The following COG3 variants were observed in gnomAD, a reference collection of about 807,000 sequenced individuals.
COG3 encodes the protein component of oligomeric golgi complex 3.
COG3 carries 32 observed loss-of-function variants against 114.1 expected under a neutral mutation model. The ratio of observed to expected loss-of-function variants is 0.28; its 90% CI spans 0.21 to 0.38. The LOEUF is 0.38. Ranked by LOEUF, COG3 falls within the 10% of genes least tolerant of loss-of-function variation. COG3 has a pLI of 1.00. For synonymous variants in COG3, 352 were observed against 365.7 expected (o/e 0.96, Z 0.43); for missense variants, 813 against 973.2 (o/e 0.84, Z 2.19).
chr13:45,522,572 G>C (rs7985769), intron 19 of COG3, among the ~76,000 whole-genome samples: 22,190 of 151,994 alleles, frequency 0.15, 2,585 homozygotes, highest in African/African-American at 0.32. Flanking sequence ...ATCTTCACCT[G>C]TCTGGTTTCT....
intron 19 of COG3, among the ~76,000 whole-genome samples, chr13:45,521,212 A>T (rs1374959110): frequency 1.3e-5 from 2 of 152,186 alleles, no homozygotes; most frequent in Non-Finnish European, 2.9e-5. Context: ...TCCAAGTCTG[A>T]ATTATGTAAT....
rs928226538 is a variant in COG3, at chr13:45,535,299, T to C, written c.*568T>C. ...TTCCTGGGAAGTCGGGGTGTCATCCTTTCCTCTGTTTGATGTGAGGTAGTT... is the reference window on the plus strand; with the variant it reads ...TTCCTGGGAAGTCGGGGTGTCATCCCTTCCTCTGTTTGATGTGAGGTAGTT... On this transcript the variant is annotated 3_prime_UTR_variant, in exon 23 of 23. Transcript: ENST00000349995. 3.3e-5 allele frequency: 33 copies of C among 985,476 alleles called. No individual in the cohort carries two copies. Among genetic ancestry groups the C allele is most frequent in the Non-Finnish European group, 4.0e-5 (33 of 829,960 alleles). The allele number at this position is 985,476 out of a possible 1,614,324, so 61.0% of individuals were successfully genotyped here.
At chr13:45,465,310 C>G in intron 1 of COG3, 100 bp downstream of exon 1, 2 of 1,462,476 alleles carry the variant, frequency 1.4e-6, no homozygotes, top group Non-Finnish European at 1.8e-6. Context: ...CCCAGGATAT[C>G]TCTCCACTCC....
intron 14 of COG3, among the ~76,000 whole-genome samples, chr13:45,507,390 A>G (rs958248089): frequency 1.3e-5 from 2 of 152,164 alleles, no homozygotes; most frequent in African/African-American, 4.8e-5. Flanking sequence ...TATACAAGTT[A>G]AATAGGAGTG....
intron 8 of COG3, among the ~76,000 whole-genome samples, chr13:45,489,226 G>A (rs373049290): frequency 2.4e-5 from 1 of 42,292 alleles, no homozygotes; most frequent in African/African-American, 8.8e-5. Flanking sequence ...CCAGCCAGTT[G>A]AAAGGAATTT....
At chr13:45,526,566 T>A (rs1872720102) in intron 20 of COG3, among the ~76,000 whole-genome samples, 1 of 152,218 alleles carries the variant, frequency 6.6e-6, no homozygotes, top group Non-Finnish European at 1.5e-5. Flanking sequence ...CAATATAGGT[T>A]TGAGTTCATT....
chr13:45,534,845 C>T lies in COG3; in HGVS notation c.*114C>T, dbSNP rs1196974954. 10 of 1,417,134 alleles carry T rather than the reference C, an allele frequency of 7.1e-6. No homozygotes were observed. Among genetic ancestry groups the T allele is most frequent in the African/African-American group, 4.4e-5 (3 of 67,668 alleles). The allele number at this position is 1,417,134 out of a possible 1,614,324, so 87.8% of individuals were successfully genotyped here. ...TGTGGGAACGTCCCCGAGAACCACA[C>T]GAGCGTGCTGCTCAGTGCTGACTGC... is the stretch of plus-strand genomic sequence containing the variant. On this transcript the variant is annotated 3_prime_UTR_variant, in exon 23 of 23. Transcript: ENST00000349995.
rs771972555 is a variant in COG3, at chr13:45,486,340, G to GGGAGACGGGAGACGGGAGACGGGAGAC, written c.844-150_844-149insCGGGAGACGGGAGACGGGAGACGGAGA. ...AGACGGGAGACGGGAGACGGGAGAC[G>GGGAGACGGGAGACGGGAGACGGGAGAC]GGAGAGGGAGAGGGAGAGGGAGAGG... is the stretch of plus-strand genomic sequence containing the variant. On this transcript the variant is annotated intron_variant, in intron 7 of 22. Coordinates refer to ENST00000349995, the MANE Select transcript of COG3 (RefSeq NM_031431.4). Among the ~76,000 whole-genome samples, 3 of 5,128 alleles carry GGGAGACGGGAGACGGGAGACGGGAGAC rather than the reference G, an allele frequency of 5.9e-4. No individual in the cohort carries two copies. In the South Asian group the frequency reaches 0.027, roughly 47 times the overall value. 3.4% of individuals were successfully genotyped at this position (5,128 alleles called of 152,430 possible). A position where few individuals can be genotyped will look rare whatever the true frequency, so the allele number is the denominator to read the frequency against.
At chr13:45,482,924 C>T (rs1379527640) in intron 6 of COG3, among the ~76,000 whole-genome samples, 8 of 152,216 alleles carry the variant, frequency 5.3e-5, no homozygotes, top group Admixed American at 5.2e-4. Context: ...TTTATTTCCC[C>T]TAACTCCTAT....
At chr13:45,525,949 A>C (rs1400073616) in intron 20 of COG3, among the ~76,000 whole-genome samples, 1 of 151,944 alleles carries the variant, frequency 6.6e-6, no homozygotes, top group Admixed American at 6.6e-5. Context: ...TGGCATGCAC[A>C]GTCACCTAAT....
intron 22 of COG3, 137 bp downstream of exon 22, chr13:45,530,917 A>G: frequency 1.5e-6 from 2 of 1,327,276 alleles, no homozygotes; most frequent in East Asian, 2.8e-5. Context: ...ATGAGTAAGA[A>G]TTCAGCCTTT....
In COG3 at chr13:45,464,953, T is replaced by G. The variant is rs1480419990; in HGVS notation, c.-84T>G. 3 of 1,476,390 alleles carry G rather than the reference T, an allele frequency of 2.0e-6. No individual in the cohort carries two copies. Among genetic ancestry groups the G allele is most frequent in the East Asian group, 4.9e-5 (2 of 40,458 alleles). 91.5% of individuals were successfully genotyped at this position (1,476,390 alleles called of 1,614,324 possible). A position where few individuals can be genotyped will look rare whatever the true frequency, so the allele number is the denominator to read the frequency against. On this transcript the variant is annotated 5_prime_UTR_variant, in exon 1 of 23. Coordinates refer to ENST00000349995, the MANE Select transcript of COG3 (RefSeq NM_031431.4). ...CCGCCGCCGGTGCAGTGTTGGAAGC[T>G]CCGGTTCTCCCGGAAGTGGCCCAGG...
At chr13:45,478,536 G>C (rs1233684838) in intron 2 of COG3, among the ~76,000 whole-genome samples, 1 of 147,804 alleles carries the variant, frequency 6.8e-6, no homozygotes, top group East Asian at 2.1e-4. Context: ...GCAATGGCGC[G>C]ATCTCGGCTC....
At chr13:45,504,795 A>ATGTGGCTAGTCTGAATGTGCTGTAAT in intron 14 of COG3, among the ~76,000 whole-genome samples, 1 of 152,190 alleles carries the variant, frequency 6.6e-6, no homozygotes, top group East Asian at 1.9e-4. Flanking sequence ...AGCGTGTGAA[A>ATGTGGCTAGTCTGAATGTGCTGTAAT]TGTGGCTAGT....
At position 45,475,964 on chromosome 13, in the gene COG3, C is replaced by CA. The variant is rs34930945; in HGVS notation, c.175-222dup. On this transcript the variant is annotated intron_variant, in intron 1 of 22. Transcript: ENST00000349995. The stretch of plus-strand genomic sequence containing the variant: ...GGATGACAGAGCAAGACCCTGTCAC[C>CA]AAAAAAAAAAAAAAAGCTTACTAAT... Among the ~76,000 whole-genome samples, 209 of 88,308 alleles carry CA rather than the reference C, an allele frequency of 2.4e-3. 1 individual carries two copies. Among genetic ancestry groups the CA allele is most frequent in the Admixed American group, 2.9e-3 (23 of 7,948 alleles). 57.9% of individuals were successfully genotyped at this position (88,308 alleles called of 152,430 possible). A position where few individuals can be genotyped will look rare whatever the true frequency, so the allele number is the denominator to read the frequency against.
At position 45,535,959 on chromosome 13, in the gene COG3, T is replaced by C. The variant is rs2137942315; in HGVS notation, c.*1228T>C. The C allele has an allele frequency of 1.2e-6, 1 of 803,760 alleles. No homozygotes were observed. Among genetic ancestry groups the C allele is most frequent in the South Asian group, 5.6e-5 (1 of 17,790 alleles). The allele number at this position is 803,760 out of a possible 1,614,324, so 49.8% of individuals were successfully genotyped here. On this transcript the variant is annotated 3_prime_UTR_variant, in exon 23 of 23. Coordinates refer to ENST00000349995, the MANE Select transcript of COG3 (RefSeq NM_031431.4). Reference sequence around the variant, plus strand: ...TTCTGGAATGGGACCAGGGGACCTTTTGGTGCAGTGGGTGCCTGTAACTCA... The same window carrying C: ...TTCTGGAATGGGACCAGGGGACCTTCTGGTGCAGTGGGTGCCTGTAACTCA...
chr13:45,482,305 G>T, intron 5 of COG3, 76 bp from the exon 6 acceptor site: 1 of 705,880 alleles, frequency 1.4e-6, no homozygotes, highest in South Asian at 1.9e-5. Flanking sequence ...CAAATATGCT[G>T]ACTCTAATCC....
intron 7 of COG3, among the ~76,000 whole-genome samples, chr13:45,486,193 C>T (rs994785680): frequency 8.3e-5 from 12 of 144,586 alleles, no homozygotes; most frequent in Non-Finnish European, 8.9e-5. Flanking sequence ...CGCAGGCATT[C>T]GGCAGACTGA....
intron 1 of COG3, among the ~76,000 whole-genome samples, chr13:45,468,901 G>GAT (rs1229143583): frequency 6.6e-6 from 1 of 152,206 alleles, no homozygotes; most frequent in African/African-American, 2.4e-5. Flanking sequence ...GAAAGTGTGT[G>GAT]ATACCACCAC....
Sources: allele counts gnomAD v4.1 joint callset (sites outside exome capture counted in the v4.1 genomes callset), GRCh38; gene constraint gnomAD v4.1.1; transcripts MANE v1.5; gene names NCBI Gene and HGNC (gene_info 2026-07-23, HGNC 2026-07-21).